RNF111: variants seen among roughly 807,000 people sequenced by gnomAD.
RNF111 encodes E3 ubiquitin-protein ligase Arkadia.
Under a neutral mutation model 95.1 loss-of-function variants are expected in RNF111, and 17 were observed. The ratio of observed to expected loss-of-function variants is 0.18; its 90% confidence interval spans 0.12 to 0.27. RNF111 has a LOEUF of 0.27. Among genes scored for constraint, RNF111 ranks in the 10% least tolerant of loss-of-function variants. The probability of loss-of-function intolerance (pLI) is 1.00; values close to 1 mark genes in which losing one functional copy is unlikely to be tolerated. For synonymous variants in RNF111, 440 were observed against 414.8 expected (o/e 1.06, Z -0.74); for missense variants, 1,189 against 1,210.4 (o/e 0.98, Z 0.26).
intron 2 of RNF111, among the ~76,000 whole-genome samples, chr15:59,040,298 T>C (rs1413284030): frequency 6.6e-6 from 1 of 151,982 alleles, no homozygotes; most frequent in African/African-American, 2.4e-5. Context: ...AATTATATTT[T>C]AATTTTTTTT....
chr15:59,013,446 A>G (rs561518462), intron 1 of RNF111, among the ~76,000 whole-genome samples: 3 of 152,326 alleles, frequency 2.0e-5, no homozygotes, highest in East Asian at 3.9e-4. Context: ...AATATTTTAT[A>G]GACCATCCCT....
intron 13 of RNF111, 70 bp from the exon 14 acceptor site, chr15:59,094,713 A>G: frequency 1.2e-6 from 1 of 848,156 alleles, no homozygotes; most frequent in South Asian, 1.3e-5. Context: ...ATTATTACAT[A>G]TATAATTTGT....
At chr15:59,017,841 T>A (rs1284505413) in intron 1 of RNF111, among the ~76,000 whole-genome samples, 1 of 144,810 alleles carries the variant, frequency 6.9e-6, no homozygotes, top group African/African-American at 2.6e-5. Context: ...CTCTGCAACC[T>A]CCACTTCCTG....
In RNF111 at chr15:59,085,632, A is replaced by G. The variant is rs376504634; in HGVS notation, c.2424-27A>G. 7 of 1,607,760 alleles carry G rather than the reference A, an allele frequency of 4.4e-6. No individual in the cohort carries two copies. The African/African-American group carries it at 6.7e-5, about 15-fold the overall frequency. On this transcript the variant is annotated intron_variant, in intron 9 of 13. Coordinates refer to ENST00000348370, the MANE Select transcript of RNF111 (RefSeq NM_017610.8). ...TGATAAAAAAGAGACCCTAAGGAGGATTAAACTGTTCTCATCCTTTCGTTA... is the reference window on the plus strand; with the variant it reads ...TGATAAAAAAGAGACCCTAAGGAGGGTTAAACTGTTCTCATCCTTTCGTTA...
Position 59,085,654 on chromosome 15 carries a change from G to C in RNF111, c.2424-5G>C, listed in dbSNP as rs201271056. On this transcript the variant is annotated splice_polypyrimidine_tract_variant and splice_region_variant and intron_variant, in intron 9 of 13. Transcript: ENST00000348370. ...AGGATTAAACTGTTCTCATCCTTTC[G>C]TTAGGGAACTGGGAATTGAAGCTGG... The C allele has an allele frequency of 6.1e-5, 98 of 1,612,346 alleles. 1 individual carries two copies. In the Admixed American group the frequency reaches 8.3e-4, roughly 14 times the overall value.
rs765718834 is a variant in RNF111, at chr15:59,031,648, G to A, written c.826G>A (p.Asp276Asn). Residue 276 changes from aspartate (D) to asparagine (N), a missense_variant, in exon 2 of 14, where the codon GAT (aspartate) becomes AAT (asparagine). By Grantham distance (23) the Asp-to-Asn change is conservative. Coordinates refer to ENST00000348370, the MANE Select transcript of RNF111 (RefSeq NM_017610.8). ...TAGCTCATCAACTGAAGGAGAAGAAGATTTGTTTGTTTCTGCCAGTGAAAA... is the reference window on the plus strand; with the variant it reads ...TAGCTCATCAACTGAAGGAGAAGAAAATTTGTTTGTTTCTGCCAGTGAAAA... ...SSSSSTEGEE[D>N]LFVSASENHQ... The A allele has an allele frequency of 6.2e-7, 1 of 1,614,126 alleles. No homozygotes were observed. The highest frequency in any genetic ancestry group is 8.5e-7 in the Non-Finnish European group (1 of 1,180,008).
intron 5 of RNF111, among the ~76,000 whole-genome samples, chr15:59,061,823 A>G (rs573926010): frequency 4.6e-5 from 7 of 152,266 alleles, no homozygotes; most frequent in African/African-American, 1.7e-4. Flanking sequence ...TTTTTGTCAC[A>G]CTAAACTCTT....
chr15:58,994,884 C>T lies in RNF111; in HGVS notation c.-20+6816C>T, dbSNP rs184924711. Among the ~76,000 whole-genome samples the T allele has an allele frequency of 3.6e-3, 545 of 152,330 alleles. 4 individuals carry two copies. Among genetic ancestry groups the T allele is most frequent in the African/African-American group, 0.013 (522 of 41,574 alleles). On this transcript the variant is annotated intron_variant, in intron 1 of 13. Transcript: ENST00000348370. ...TGTATTGTATTCTTTTGCGTTATCA[C>T]TGCACCAGTTACAAAATTCAGAAAA...
rs187247944 is a variant in RNF111, at chr15:59,074,170, G to A, written c.1687-1784G>A. 3.9e-3 allele frequency among the ~76,000 whole-genome samples: 587 copies of A among 152,258 alleles called. 1 individual carries two copies. The highest frequency in any genetic ancestry group is 6.9e-3 in the Non-Finnish European group (467 of 68,002). On this transcript the variant is annotated intron_variant, in intron 6 of 13. Coordinates refer to ENST00000348370, the MANE Select transcript of RNF111 (RefSeq NM_017610.8). ...GTTGTTTGTTAATAGAGCACAGGCA[G>A]AATAGATTTAGCATAAATCTTAAGG... is the stretch of plus-strand genomic sequence containing the variant.
chr15:59,058,065 A>G (rs1566918666), intron 4 of RNF111, among the ~76,000 whole-genome samples: 1 of 152,174 alleles, frequency 6.6e-6, no homozygotes, highest in Non-Finnish European at 1.5e-5. Context: ...CTTCTTTGTG[A>G]TAGATCAGAC....
At chr15:58,992,611 A>G (rs182152139) in intron 1 of RNF111, among the ~76,000 whole-genome samples, 217 of 152,220 alleles carry the variant, frequency 1.4e-3, no homozygotes, top group African/African-American at 4.6e-3. Context: ...TGAGCCCAGG[A>G]GTTTGAGACT....
chr15:59,022,708 TAA>T (rs1344471082), intron 1 of RNF111, among the ~76,000 whole-genome samples: 1 of 152,234 alleles, frequency 6.6e-6, no homozygotes, highest in Non-Finnish European at 1.5e-5. Flanking sequence ...CAATGTCTTT[TAA>T]ATGCAACCAA....
At chr15:59,065,455 T>C (rs1453090384) in intron 5 of RNF111, among the ~76,000 whole-genome samples, 1 of 152,194 alleles carries the variant, frequency 6.6e-6, no homozygotes, top group African/African-American at 2.4e-5. Context: ...GAGAAATTTA[T>C]CTTTTCTAAC....
chr15:59,090,612 C>T (rs1286284202), intron 11 of RNF111, among the ~76,000 whole-genome samples: 1 of 152,158 alleles, frequency 6.6e-6, no homozygotes, highest in Non-Finnish European at 1.5e-5. Context: ...CCTTAATTTA[C>T]TAGAATTATT....
chr15:59,001,837 C>G (rs2039337282), intron 1 of RNF111, among the ~76,000 whole-genome samples: 1 of 151,992 alleles, frequency 6.6e-6, no homozygotes, highest in African/African-American at 2.4e-5. Context: ...TCCAAGACCC[C>G]CAGTAGATGC....
At chr15:59,068,342 C>T (rs2042757573) in intron 6 of RNF111, among the ~76,000 whole-genome samples, 1 of 152,354 alleles carries the variant, frequency 6.6e-6, no homozygotes, top group Non-Finnish European at 1.5e-5. Flanking sequence ...CATGGTGGCT[C>T]ACGCCTGTAA....
chr15:59,066,897 T>A lies in RNF111; in HGVS notation c.1500T>A (p.Pro500=), dbSNP rs372159066. ...AGAACCACCATGCATTAGGACATCC[T>A]CATACAAGTTGCTTTCAGCAGCATG... ...SSQNHHALGH[P]HTSCFQQHGH... is the part of the protein sequence containing the mutation. Residue 500 remains proline (P), a synonymous_variant, in exon 6 of 14, where the codon CCT becomes CCA. Coordinates refer to ENST00000348370, the MANE Select transcript of RNF111 (RefSeq NM_017610.8). 2.5e-6 allele frequency: 4 copies of A among 1,613,924 alleles called. No homozygotes were observed. In the African/African-American group the frequency reaches 5.3e-5, roughly 22 times the overall value.
At chr15:59,057,224 C>T (rs1347466382) in intron 4 of RNF111, among the ~76,000 whole-genome samples, 1 of 152,102 alleles carries the variant, frequency 6.6e-6, no homozygotes, top group Middle Eastern at 3.2e-3. Flanking sequence ...ATCTCCTCCC[C>T]AGCGAACAAA....
At chr15:59,014,188 C>A (rs972564891) in intron 1 of RNF111, among the ~76,000 whole-genome samples, 9 of 152,142 alleles carry the variant, frequency 5.9e-5, no homozygotes, top group African/African-American at 2.2e-4. Context: ...CAGCTTGGTT[C>A]CAGTGTCCTG....
Sources: gnomAD v4.1 joint callset for allele counts (sites outside exome capture counted in the v4.1 genomes callset) on GRCh38, gnomAD v4.1.1 for gene constraint, MANE v1.5 for transcripts, NCBI Gene and HGNC (gene_info 2026-07-23, HGNC 2026-07-21) for gene names.